The following STAM2 variants were observed in gnomAD, a reference collection of about 807,000 sequenced individuals.
The protein encoded by STAM2 is signal transducing adapter molecule 2.
In STAM2, 51 loss-of-function variants were observed where a neutral mutation model predicts 65.6. The ratio of observed to expected loss-of-function variants is 0.78; its 90% CI spans 0.62 to 0.98. The LOEUF (loss-of-function observed/expected upper bound fraction) is 0.98, where lower values mean the gene tolerates loss of function less well. STAM2 is among the 50% of genes least tolerant of loss of function. The pLI is 0.00. For missense variants in STAM2, 584 were observed against 617.8 expected (o/e 0.95, Z 0.58); for synonymous variants, 198 against 208.4 (o/e 0.95, Z 0.43).
intron 5 of STAM2, among the ~76,000 whole-genome samples, chr2:152,146,758 TGGTATTA>T (rs1435531131): frequency 2.0e-5 from 3 of 152,240 alleles, no homozygotes; most frequent in African/African-American, 7.2e-5. Context: ...TTTCTCTCTT[TGGTATTA>T]AGATAGACAG....
chr2:152,158,190 A>C (rs1689587764), intron 1 of STAM2, among the ~76,000 whole-genome samples: 1 of 152,186 alleles, frequency 6.6e-6, no homozygotes, highest in African/African-American at 2.4e-5. Flanking sequence ...AAAAGTCATT[A>C]AATGGGCTGG....
intron 1 of STAM2, among the ~76,000 whole-genome samples, chr2:152,150,581 G>A (rs1225125157): frequency 2.0e-5 from 3 of 152,148 alleles, no homozygotes; most frequent in Non-Finnish European, 2.9e-5. Context: ...CAGGAAGATC[G>A]TTTGAGGCCA....
intron 13 of STAM2, 151 bp from the exon 14 acceptor site, chr2:152,120,953 G>T: frequency 1.6e-6 from 1 of 636,352 alleles, no homozygotes; most frequent in Non-Finnish European, 2.7e-6. Flanking sequence ...TCCAGCCATT[G>T]AATACTGTTA....
intron 7 of STAM2, among the ~76,000 whole-genome samples, chr2:152,141,899 T>C (rs2105543671): frequency 6.6e-6 from 1 of 152,246 alleles, no homozygotes; most frequent in South Asian, 2.1e-4. Context: ...AGCTCCATGG[T>C]TCTTAAATGG....
At chr2:152,159,108 T>TATATATATATATATATATATATAC (rs1191937152) in intron 1 of STAM2, among the ~76,000 whole-genome samples, 18 of 136,068 alleles carry the variant, frequency 1.3e-4, no homozygotes, top group Admixed American at 2.9e-4. Context: ...TATATATATA[T>TATATATATATATATATATATATAC]ATACACACAC....
rs1032428000 is a variant in STAM2 at position 152,126,348 on chromosome 2, T to C, written c.1057A>G (p.Lys353Glu). ...KHSELSELNV[K>E]VLEALELYNK... Reference sequence around the variant, plus strand: ...TATAGTTCCAGAGCTTCCAGGACTTTAACATTCAATTCAGACAATTCTGAA... The same window carrying C: ...TATAGTTCCAGAGCTTCCAGGACTTCAACATTCAATTCAGACAATTCTGAA... The change falls in exon 12 of 14, where the codon AAA becomes GAA. Residue 353 changes from lysine (K) to glutamate (E), a missense_variant. By Grantham distance (56) the Lys-to-Glu change is moderately conservative (BLOSUM62 1). Transcript: ENST00000263904. The C allele has an allele frequency of 6.3e-7, 1 of 1,586,044 alleles. No individual in the cohort carries two copies. The highest frequency in any genetic ancestry group is 1.2e-5 in the South Asian group (1 of 85,314).
At chr2:152,146,950 G>A (rs1689345900) in intron 5 of STAM2, among the ~76,000 whole-genome samples, 1 of 152,146 alleles carries the variant, frequency 6.6e-6, no homozygotes, top group Non-Finnish European at 1.5e-5. Flanking sequence ...AATACACTAT[G>A]TCTGATTAAC....
At chr2:152,163,736 T>C (rs186217780) in intron 1 of STAM2, among the ~76,000 whole-genome samples, 6 of 152,258 alleles carry the variant, frequency 3.9e-5, no homozygotes, top group Admixed American at 2.0e-4. Flanking sequence ...AGGAAAAGAA[T>C]TGCATTCCTG....
At chr2:152,141,464 G>C (rs1689245548) in intron 7 of STAM2, among the ~76,000 whole-genome samples, 2 of 151,712 alleles carry the variant, frequency 1.3e-5, no homozygotes, top group Admixed American at 1.3e-4. Context: ...AACACAGGGG[G>C]CGGGGGTTGC....
At chr2:152,171,097 G>C (rs1221721608) in intron 1 of STAM2, among the ~76,000 whole-genome samples, 3 of 152,170 alleles carry the variant, frequency 2.0e-5, no homozygotes, top group African/African-American at 4.8e-5. Flanking sequence ...ATATTTGTAA[G>C]TGTAGTATTA....
At chr2:152,129,022 C>A (rs1689013133) in intron 11 of STAM2, among the ~76,000 whole-genome samples, 1 of 152,210 alleles carries the variant, frequency 6.6e-6, no homozygotes. Flanking sequence ...GCTGCATCTG[C>A]AGCTGTGGCC....
At chr2:152,121,810 C>T (rs188486012) in intron 13 of STAM2, among the ~76,000 whole-genome samples, 8 of 151,982 alleles carry the variant, frequency 5.3e-5, no homozygotes, top group Non-Finnish European at 8.8e-5. Flanking sequence ...TTTGGGAGGC[C>T]GAGGAGGGCG....
At chr2:152,143,756 G>T in intron 7 of STAM2, 71 bp downstream of exon 7, 1 of 1,251,870 alleles carries the variant, frequency 8.0e-7, no homozygotes, top group East Asian at 2.4e-5. Context: ...AAAAGTCAAA[G>T]AACTGAATAC....
At chr2:152,127,051 A>C (rs2105530122) in intron 11 of STAM2, among the ~76,000 whole-genome samples, 1 of 152,326 alleles carries the variant, frequency 6.6e-6, no homozygotes, top group South Asian at 2.1e-4. Context: ...GAGCACGAAA[A>C]GGCCAATGGG....
chr2:152,124,155 CAG>C, intron 12 of STAM2: 1 of 502,982 alleles, frequency 2.0e-6, no homozygotes. Flanking sequence ...TTTATTTTTA[CAG>C]AGAGCTGGGA....
intron 8 of STAM2, among the ~76,000 whole-genome samples, chr2:152,133,722 C>T (rs567536083): frequency 1.6e-4 from 24 of 151,990 alleles, no homozygotes; most frequent in Admixed American, 4.6e-4. Context: ...ATACAGACAC[C>T]GGTGAATAAA....
In STAM2 at chr2:152,144,947, G is replaced by A; in HGVS notation, c.458C>T (p.Ala153Val). 1 of 1,613,340 alleles carries A rather than the reference G, an allele frequency of 6.2e-7. No individual in the cohort carries two copies. The highest frequency in any genetic ancestry group is 2.2e-5 in the East Asian group (1 of 44,876). The change falls in exon 6 of 14, where the codon GCT becomes GTT. Residue 153 changes from alanine (A) to valine (V), a missense_variant. Transcript: ENST00000263904. ...CGATGACGTACCATTCTTGGCAGCA[G>A]CTGAGACAGTCTGTAAATGTATGAG... Reference protein sequence around the residue: ...FPPAGSQTVSAAAKNGTSSNK... With the variant: ...FPPAGSQTVSVAAKNGTSSNK...
Position 152,117,271 on chromosome 2 carries a change from C to T in STAM2, c.*3303G>A, listed in dbSNP as rs949697657. 5.9e-5 allele frequency: 9 copies of T among 152,122 alleles called. No individual in the cohort carries two copies. Among genetic ancestry groups the T allele is most frequent in the African/African-American group, 1.9e-4 (8 of 41,418 alleles). 9.4% of individuals were successfully genotyped at this position (152,122 alleles called of 1,614,324 possible). On this transcript the variant is annotated 3_prime_UTR_variant, in exon 14 of 14. Coordinates refer to ENST00000263904, the MANE Select transcript of STAM2 (RefSeq NM_005843.6). Reference sequence around the variant, plus strand: ...CCTCACTGCAGCCTCAAGCAATACTCCCACCTCAGCCTACTGACTAGCTGG... The same window carrying T: ...CCTCACTGCAGCCTCAAGCAATACTTCCACCTCAGCCTACTGACTAGCTGG...
At chr2:152,132,209 C>T (rs1390333347) in intron 10 of STAM2, 41 bp from the exon 11 acceptor site, 8 of 1,500,006 alleles carry the variant, frequency 5.3e-6, no homozygotes, top group African/African-American at 1.4e-5. Flanking sequence ...AAACTTAATC[C>T]AGTTTAAGCC....
Sources: allele counts gnomAD v4.1 joint callset (sites outside exome capture counted in the v4.1 genomes callset), GRCh38; gene constraint gnomAD v4.1.1; transcripts MANE v1.5; gene names NCBI Gene and HGNC (gene_info 2026-07-23, HGNC 2026-07-21).